Variants in SANBR observed in about 807,000 individuals in gnomAD.
SANBR encodes the protein SANT and BTB domain regulator of CSR.
SANBR carries 77 observed loss-of-function variants against 101.8 expected under a neutral mutation model. The ratio of observed to expected loss-of-function variants is 0.76; its 90% confidence interval spans 0.63 to 0.91. SANBR has a LOEUF of 0.91. SANBR is among the 40% of genes least tolerant of loss of function. The pLI, the probability that SANBR is intolerant of heterozygous loss-of-function variation, is 0.00. For synonymous variants in SANBR, 279 were observed against 274.7 expected (o/e 1.02, Z -0.15); for missense variants, 875 against 853.0 (o/e 1.03, Z -0.32).
chr2:61,112,729 G>T (rs538189836), intron 16 of SANBR, among the ~76,000 whole-genome samples: 13 of 152,250 alleles, frequency 8.5e-5, no homozygotes, highest in Non-Finnish European at 1.5e-4. Flanking sequence ...CCTGACCTCA[G>T]GTGATCCGCC....
At chr2:61,125,348 G>A (rs145103066), downstream of SANBR, among the ~76,000 whole-genome samples, 208 of 152,274 alleles carry the variant, frequency 1.4e-3, 1 homozygote, top group African/African-American at 4.7e-3. Context: ...ATGTGTGTGC[G>A]TATATGTATT....
At chr2:61,095,604 A>G (rs1486644261) in intron 11 of SANBR, among the ~76,000 whole-genome samples, 1 of 152,126 alleles carries the variant, frequency 6.6e-6, no homozygotes, top group African/African-American at 2.4e-5. Context: ...TATTTGAATT[A>G]TTTTACTAAC....
intron 12 of SANBR, among the ~76,000 whole-genome samples, chr2:61,103,621 C>T (rs1283092541): frequency 6.6e-6 from 1 of 151,886 alleles, no homozygotes; most frequent in South Asian, 2.1e-4. Flanking sequence ...CTGGAGTGCT[C>T]GTAATGTTCT....
intron 20 of SANBR, among the ~76,000 whole-genome samples, chr2:61,132,359 C>T (rs1375291608): frequency 6.6e-6 from 1 of 152,154 alleles, no homozygotes; most frequent in East Asian, 1.9e-4. Context: ...TGGTGAAAGA[C>T]TTGAATAGAC....
chr2:61,116,525 T>A (rs1458635583), intron 17 of SANBR, among the ~76,000 whole-genome samples: 2 of 152,134 alleles, frequency 1.3e-5, no homozygotes, highest in Non-Finnish European at 2.9e-5. Flanking sequence ...TCATATTTTA[T>A]GATATTTAAA....
downstream of SANBR, among the ~76,000 whole-genome samples, chr2:61,126,183 A>G (rs1000943908): frequency 2.0e-5 from 3 of 152,214 alleles, no homozygotes; most frequent in African/African-American, 7.2e-5. Context: ...AATTCAGTAA[A>G]TGGCATTATT....
At chr2:61,083,802 G>C (rs575344086) in intron 8 of SANBR, among the ~76,000 whole-genome samples, 59 of 151,558 alleles carry the variant, frequency 3.9e-4, no homozygotes, top group African/African-American at 1.4e-3. Flanking sequence ...CTGGGAGGCG[G>C]AGCTTGCAGT....
intron 13 of SANBR, among the ~76,000 whole-genome samples, chr2:61,105,940 G>T (rs1348828023): frequency 1.3e-5 from 2 of 152,154 alleles, no homozygotes; most frequent in Non-Finnish European, 2.9e-5. Flanking sequence ...AAAGTGCTGG[G>T]ATTAGAGGCG....
chr2:61,070,692 ATTT>A (rs1681415031), intron 3 of SANBR, among the ~76,000 whole-genome samples, 192 bp downstream of exon 3: 1 of 146,470 alleles, frequency 6.8e-6, no homozygotes, highest in Non-Finnish European at 1.5e-5. Context: ...TAGTATATAA[ATTT>A]TATATATTAT....
chr2:61,098,305 T>C (rs1683131408), intron 12 of SANBR, among the ~76,000 whole-genome samples: 2 of 152,062 alleles, frequency 1.3e-5, no homozygotes, highest in African/African-American at 4.8e-5. Flanking sequence ...GGTTTCGCCA[T>C]GTTGCCCAGG....
intron 20 of SANBR, chr2:61,133,991 A>C: frequency 8.0e-7 from 1 of 1,249,552 alleles, no homozygotes. Context: ...TATTGCATCA[A>C]ATTGCATTTG....
chr2:61,121,204 C>G lies in SANBR; in HGVS notation c.2048C>G (p.Ser683Cys). Residue 683 changes from serine (S) to cysteine (C), a missense_variant, in exon 21 of 22, where the codon TCC becomes TGC. By Grantham distance (112) the Ser-to-Cys change is moderately radical. Transcript: ENST00000402291. ...CTGCAGTTTGCAGGAGGTATTTATT[C>G]CAGGCTGGAAGCACAAATCAAGGCC... ...EAKEFAGGIY[S>C]RLEAQIKASV... The G allele has an allele frequency of 1.3e-6, 2 of 1,550,952 alleles. No homozygotes were observed. Among genetic ancestry groups the G allele is most frequent in the South Asian group, 2.4e-5 (2 of 84,028 alleles).
intron 8 of SANBR, among the ~76,000 whole-genome samples, chr2:61,083,833 C>A (rs1398414375): frequency 4.0e-5 from 6 of 150,938 alleles, no homozygotes; most frequent in African/African-American, 1.5e-4. Flanking sequence ...CACGCCACTG[C>A]ACTCCAGCCT....
At chr2:61,130,517 A>G (rs1055718214) in intron 20 of SANBR, among the ~76,000 whole-genome samples, 7 of 152,208 alleles carry the variant, frequency 4.6e-5, no homozygotes, top group Non-Finnish European at 8.8e-5. Context: ...AAAATCCTCA[A>G]CATACGCTAG....
chr2:61,101,857 CG>C (rs1683302451), intron 12 of SANBR, among the ~76,000 whole-genome samples: 1 of 151,052 alleles, frequency 6.6e-6, no homozygotes, highest in Non-Finnish European at 1.5e-5. Flanking sequence ...GCCAACATGG[CG>C]AAAACACTGT....
intron 1 of SANBR, among the ~76,000 whole-genome samples, chr2:61,068,406 A>G (rs1047017971): frequency 6.6e-6 from 1 of 152,244 alleles, no homozygotes; most frequent in Admixed American, 6.5e-5. Context: ...TGTGCCAATA[A>G]TGGCCAAAGT....
chr2:61,098,264 C>T (rs112579167), intron 12 of SANBR, among the ~76,000 whole-genome samples: 195 of 151,888 alleles, frequency 1.3e-3, no homozygotes, highest in African/African-American at 4.3e-3. Context: ...CCATCACACC[C>T]GGTAATTTTT....
intron 13 of SANBR, among the ~76,000 whole-genome samples, chr2:61,106,042 A>G (rs1034679593): frequency 6.6e-6 from 1 of 152,140 alleles, no homozygotes; most frequent in South Asian, 2.1e-4. Context: ...CGTCAAGTAC[A>G]ATGGTGCTTG....
chr2:61,091,593 CAAA>C (rs35588752), intron 10 of SANBR, among the ~76,000 whole-genome samples: 7 of 133,662 alleles, frequency 5.2e-5, no homozygotes, highest in East Asian at 2.2e-4. Context: ...AAACTCCGTC[CAAA>C]AAAAAAAAAA....
Sources: allele counts gnomAD v4.1 joint callset (sites outside exome capture counted in the v4.1 genomes callset), GRCh38; gene constraint gnomAD v4.1.1; transcripts MANE v1.5; gene names NCBI Gene and HGNC (gene_info 2026-07-23, HGNC 2026-07-21).